Variants in GABRB2 observed in about 807,000 individuals in gnomAD.
GABRB2 encodes gamma-aminobutyric acid type A receptor subunit beta2.
GABRB2 carries 16 observed loss-of-function variants against 54.7 expected under a neutral mutation model. That is an observed-to-expected ratio of 0.29 (90% confidence interval 0.20 to 0.44). The LOEUF (loss-of-function observed/expected upper bound fraction) is 0.44, where lower values mean the gene tolerates loss of function less well. GABRB2 is among the 20% of genes least tolerant of loss of function. The pLI, the probability that GABRB2 is intolerant of heterozygous loss-of-function variation, is 1.00. For synonymous variants in GABRB2, 244 were observed against 233.8 expected, an observed-to-expected ratio of 1.04 and a Z score of -0.40; for missense variants, 355 against 644.0, an observed-to-expected ratio of 0.55 and a Z score of 4.86.
intron 5 of GABRB2, among the ~76,000 whole-genome samples, chr5:161,343,318 C>A (rs1754227676): frequency 6.6e-6 from 1 of 151,892 alleles, no homozygotes; most frequent in Non-Finnish European, 1.5e-5. Flanking sequence ...TTAGTAAGGA[C>A]ACCATCAAGT....
At chr5:161,356,217 A>ACAATGTGT (rs1314271541) in intron 5 of GABRB2, among the ~76,000 whole-genome samples, 4 of 152,178 alleles carry the variant, frequency 2.6e-5, no homozygotes, top group African/African-American at 9.6e-5. Flanking sequence ...CGCTAATTAG[A>ACAATGTGT]CAATGTGTTT....
At chr5:161,507,078 T>C (rs758365455) in intron 3 of GABRB2, among the ~76,000 whole-genome samples, 6 of 152,064 alleles carry the variant, frequency 3.9e-5, no homozygotes, top group Non-Finnish European at 7.4e-5. Flanking sequence ...TTCATCAAAA[T>C]GCCCAAATTA....
At chr5:161,353,294 C>A (rs1198681591) in intron 5 of GABRB2, among the ~76,000 whole-genome samples, 1 of 151,972 alleles carries the variant, frequency 6.6e-6, no homozygotes, top group East Asian at 1.9e-4. Context: ...ATACTAAGCA[C>A]ATTAAAAATA....
chr5:161,304,117 C>T (rs1324378971), intron 9 of GABRB2, among the ~76,000 whole-genome samples: 1 of 152,048 alleles, frequency 6.6e-6, no homozygotes, highest in Non-Finnish European at 1.5e-5. Flanking sequence ...CATATAAGAA[C>T]GTGAAGCAGG....
intron 8 of GABRB2, among the ~76,000 whole-genome samples, chr5:161,328,112 A>G (rs1758422547): frequency 6.6e-6 from 1 of 152,174 alleles, no homozygotes. Flanking sequence ...AGTTTGATGC[A>G]GTTGATTTGC....
At chr5:161,467,767 A>C (rs891938866) in intron 3 of GABRB2, among the ~76,000 whole-genome samples, 1 of 152,110 alleles carries the variant, frequency 6.6e-6, no homozygotes, top group Non-Finnish European at 1.5e-5. Context: ...AATAATATCA[A>C]AATGAGGCCT....
chr5:161,441,357 T>G (rs1367802554), intron 4 of GABRB2, among the ~76,000 whole-genome samples: 1 of 152,168 alleles, frequency 6.6e-6, no homozygotes, highest in African/African-American at 2.4e-5. Flanking sequence ...AAAAAGATTC[T>G]CAACATCTCA....
At chr5:161,504,607 T>C (rs887192935) in intron 3 of GABRB2, among the ~76,000 whole-genome samples, 2 of 151,808 alleles carry the variant, frequency 1.3e-5, no homozygotes, top group African/African-American at 2.4e-5. Context: ...GAAGAAAGCC[T>C]TAACATTAAT....
At chr5:161,452,146 T>C (rs1430091790) in intron 4 of GABRB2, among the ~76,000 whole-genome samples, 2 of 152,174 alleles carry the variant, frequency 1.3e-5, no homozygotes, top group African/African-American at 4.8e-5. Flanking sequence ...TGACTGCTCT[T>C]TTGTGTACCT....
intron 3 of GABRB2, among the ~76,000 whole-genome samples, chr5:161,479,851 G>A (rs940482213): frequency 1.3e-5 from 2 of 151,966 alleles, no homozygotes; most frequent in African/African-American, 4.8e-5. Flanking sequence ...GCCTCCTAAA[G>A]TACTGGGATT....
chr5:161,399,924 T>C (rs1164419494), intron 5 of GABRB2, among the ~76,000 whole-genome samples: 1 of 152,114 alleles, frequency 6.6e-6, no homozygotes, highest in Non-Finnish European at 1.5e-5. Context: ...TAGTTACTAC[T>C]GATGGTGATG....
intron 9 of GABRB2, among the ~76,000 whole-genome samples, 180 bp from the exon 10 acceptor site, chr5:161,294,608 T>C (rs1395161812): frequency 3.3e-5 from 5 of 152,180 alleles, no homozygotes; most frequent in African/African-American, 9.7e-5. Context: ...TGAGGTTCAG[T>C]TTCTCCATTT....
At chr5:161,356,728 G>A (rs1754641953) in intron 5 of GABRB2, among the ~76,000 whole-genome samples, 1 of 152,108 alleles carries the variant, frequency 6.6e-6, no homozygotes, top group Non-Finnish European at 1.5e-5. Context: ...CGTGCACAGG[G>A]CTCCTGAGCA....
chr5:161,363,171 A>G (rs1440982352), intron 5 of GABRB2, among the ~76,000 whole-genome samples: 2 of 152,234 alleles, frequency 1.3e-5, no homozygotes, highest in Non-Finnish European at 2.9e-5. Flanking sequence ...AATGTGGCAC[A>G]TATACACCAT....
chr5:161,341,558 G>T (rs923935270), intron 5 of GABRB2, among the ~76,000 whole-genome samples: 1 of 151,608 alleles, frequency 6.6e-6, no homozygotes, highest in Non-Finnish European at 1.5e-5. Context: ...ACAAGCCTCT[G>T]ATCAGGAAAA....
chr5:161,527,715 C>T (rs542227463), intron 3 of GABRB2, among the ~76,000 whole-genome samples: 12 of 151,484 alleles, frequency 7.9e-5, no homozygotes, highest in Non-Finnish European at 4.4e-5. Flanking sequence ...CCTATAAACA[C>T]GGAAGAGTGT....
rs913648394 is a variant in GABRB2, at chr5:161,294,572, A to T, written c.1192-144T>A. The T allele has an allele frequency of 1.6e-5, 10 of 640,448 alleles. No individual in the cohort carries two copies. The African/African-American group carries it at 1.6e-4, about 11-fold the overall frequency. 39.7% of individuals were successfully genotyped at this position (640,448 alleles called of 1,614,324 possible). A position where few individuals can be genotyped will look rare whatever the true frequency, so the allele number is the denominator to read the frequency against. ...TTGCGATTACATTACCAAAGTCTGA[A>T]TTGAGACTCTACCACTAAAGCTATT... On this transcript the variant is annotated intron_variant, in intron 9 of 9. Transcript: ENST00000393959.
intron 9 of GABRB2, among the ~76,000 whole-genome samples, chr5:161,313,446 T>C (rs1166705620): frequency 6.6e-6 from 1 of 151,772 alleles, no homozygotes; most frequent in African/African-American, 2.4e-5. Context: ...AGAAAACACC[T>C]CCGTCCTCTG....
chr5:161,401,267 A>G (rs1465325844), intron 5 of GABRB2, among the ~76,000 whole-genome samples: 27 of 152,210 alleles, frequency 1.8e-4, no homozygotes, highest in Admixed American at 1.8e-3. Context: ...GTTATGTATT[A>G]TGTTTCTTTC....
Sources: allele counts gnomAD v4.1 joint callset (sites outside exome capture counted in the v4.1 genomes callset), GRCh38; gene constraint gnomAD v4.1.1; transcripts MANE v1.5; gene names NCBI Gene and HGNC (gene_info 2026-07-23, HGNC 2026-07-21).